Variants in CNTNAP4 observed in about 807,000 individuals in gnomAD.
The protein encoded by CNTNAP4 is contactin-associated protein-like 4.
In CNTNAP4, 98 loss-of-function variants were observed where a neutral mutation model predicts 148.4. That is an observed-to-expected ratio of 0.66 (90% confidence interval 0.56 to 0.78). The LOEUF is 0.78. CNTNAP4 is among the 30% of genes least tolerant of loss of function. The pLI is 0.00. For synonymous variants in CNTNAP4, 730 were observed against 565.1 expected, an observed-to-expected ratio of 1.29 and a Z score of -4.14; for missense variants, 1,935 against 1,565.6, an observed-to-expected ratio of 1.24 and a Z score of -3.98.
chr16:76,385,213 T>C (rs987821543), intron 3 of CNTNAP4, among the ~76,000 whole-genome samples: 1 of 152,230 alleles, frequency 6.6e-6, no homozygotes, highest in Admixed American at 6.5e-5. Flanking sequence ...GCAAGAGCTA[T>C]GTGATAAGTA....
intron 23 of CNTNAP4, among the ~76,000 whole-genome samples, chr16:76,554,407 C>T (rs1032458335): frequency 1.3e-5 from 2 of 152,102 alleles, no homozygotes; most frequent in East Asian, 1.9e-4. Flanking sequence ...CTTCTATCAA[C>T]TAAATATTAC....
chr16:76,366,803 G>A (rs34134770), intron 3 of CNTNAP4, among the ~76,000 whole-genome samples: 67,641 of 151,908 alleles, frequency 0.45, 15,327 homozygotes, highest in Admixed American at 0.53. Context: ...AATAGAATAT[G>A]TACAAGAAAC....
intron 4 of CNTNAP4, among the ~76,000 whole-genome samples, chr16:76,438,732 T>C (rs1178495873): frequency 6.6e-6 from 1 of 151,964 alleles, no homozygotes; most frequent in Admixed American, 6.6e-5. Flanking sequence ...ACCCACACTC[T>C]CCCTTTTCCC....
At position 76,473,387 on chromosome 16, in the gene CNTNAP4, A is replaced by T. The variant is rs370575561; in HGVS notation, c.1656-2552A>T. 1.5e-4 allele frequency among the ~76,000 whole-genome samples: 23 copies of T among 152,266 alleles called. No homozygotes were observed. The South Asian group carries it at 4.3e-3, about 29-fold the overall frequency. ...TTTTCCTGGATTGTTTAATTTCTCT[A>T]CAGTGAACATCTCTTTTTTTATAAT... On this transcript the variant is annotated intron_variant, in intron 10 of 23. Coordinates refer to ENST00000611870, the MANE Select transcript of CNTNAP4 (RefSeq NM_033401.5).
intron 3 of CNTNAP4, among the ~76,000 whole-genome samples, chr16:76,397,877 G>T (rs2078256040): frequency 7.3e-6 from 1 of 137,312 alleles, no homozygotes; most frequent in South Asian, 2.4e-4. Flanking sequence ...GACTGCCTAG[G>T]TTCTCTAACT....
At chr16:76,522,766 C>CTTTTCTTTTCTTTT (rs1568498490) in intron 17 of CNTNAP4, among the ~76,000 whole-genome samples, 24 of 87,252 alleles carry the variant, frequency 2.8e-4, no homozygotes, top group South Asian at 2.2e-3. Context: ...CTTTTCTTTT[C>CTTTTCTTTTCTTTT]TTTTCTTTTC....
chr16:76,392,690 A>G (rs982603174), intron 3 of CNTNAP4, among the ~76,000 whole-genome samples: 1 of 152,202 alleles, frequency 6.6e-6, no homozygotes, highest in Admixed American at 6.5e-5. Context: ...CAAAGAAAAC[A>G]TAATTTTTTC....
At chr16:76,371,678 A>G (rs1216166465) in intron 3 of CNTNAP4, among the ~76,000 whole-genome samples, 1 of 152,232 alleles carries the variant, frequency 6.6e-6, no homozygotes, top group Non-Finnish European at 1.5e-5. Context: ...CTTAGCTGGA[A>G]GATCTTATGG....
chr16:76,432,195 C>T (rs1242293247), intron 4 of CNTNAP4, among the ~76,000 whole-genome samples: 2 of 152,126 alleles, frequency 1.3e-5, no homozygotes, highest in Admixed American at 6.6e-5. Flanking sequence ...GCCAGGCTCC[C>T]CTTGTGCCTA....
Position 76,494,953 on chromosome 16 carries a change from G to T in CNTNAP4, c.2124G>T (p.Thr708=), listed in dbSNP as rs201980646. 8.1e-6 allele frequency: 13 copies of T among 1,613,466 alleles called. 1 individual carries two copies. Among genetic ancestry groups the T allele is most frequent in the Middle Eastern group, 3.3e-4 (2 of 6,056 alleles). The change falls in exon 14 of 24, where the codon ACG becomes ACT. Residue 708 remains threonine (T), a synonymous_variant. Transcript: ENST00000611870. ...GGTGGGTAGGAAGAACCAATGAAAC[G>T]CAAACCTACTGGGGAGGTTCTTCGC... ...LSWWVGRTNE[T]QTYWGGSSPD...
In CNTNAP4 at chr16:76,370,613, G is replaced by T. The variant is rs535358002; in HGVS notation, c.390+15102G>T. ...CGTCACTCAGCCCTCTAATGTTTTGGGTCAGAGCAGGGAAAGGGTGACACG... is the reference window on the plus strand; with the variant it reads ...CGTCACTCAGCCCTCTAATGTTTTGTGTCAGAGCAGGGAAAGGGTGACACG... On this transcript the variant is annotated intron_variant, in intron 3 of 23. Transcript: ENST00000611870. Among the ~76,000 whole-genome samples the T allele has an allele frequency of 1.9e-4, 29 of 152,288 alleles. No individual in the cohort carries two copies. In the South Asian group the frequency reaches 5.6e-3, roughly 29 times the overall value.
At chr16:76,533,130 T>C (rs546412495) in intron 17 of CNTNAP4, among the ~76,000 whole-genome samples, 4 of 152,234 alleles carry the variant, frequency 2.6e-5, no homozygotes, top group Middle Eastern at 6.8e-3. Flanking sequence ...AAGTGGTGTA[T>C]ATATGTAATG....
Position 76,301,288 on chromosome 16 carries a change from C to G in CNTNAP4, c.86-15125C>G, listed in dbSNP as rs922072051. ...AAAGCCATCATCATATTAATAGCTC[C>G]AAGGGTTACTTTCAACTGATGATTT... On this transcript the variant is annotated intron_variant, in intron 1 of 23. Transcript: ENST00000611870. Among the ~76,000 whole-genome samples, 66 of 152,142 alleles carry G rather than the reference C, an allele frequency of 4.3e-4. 1 individual carries two copies. The highest frequency in any genetic ancestry group is 1.5e-3 in the African/African-American group (63 of 41,494).
intron 4 of CNTNAP4, among the ~76,000 whole-genome samples, chr16:76,443,212 T>G (rs887872857): frequency 2.0e-5 from 3 of 152,068 alleles, no homozygotes; most frequent in Admixed American, 1.3e-4. Flanking sequence ...GAAAAATAAT[T>G]CTTATTCTTC....
chr16:76,442,285 T>C (rs1040652810), intron 4 of CNTNAP4, among the ~76,000 whole-genome samples: 1 of 152,144 alleles, frequency 6.6e-6, no homozygotes, highest in Non-Finnish European at 1.5e-5. Context: ...TTAGAGACTT[T>C]AGAAGGAAAA....
rs375520215 is a variant in CNTNAP4 at position 76,393,237 on chromosome 16, C to T, written c.391-34215C>T. ...TGATTTTACTACCCACTGAAAAGCT[C>T]CGGCCTATGTCCTATATAGGAAATG... On this transcript the variant is annotated intron_variant, in intron 3 of 23. Coordinates refer to ENST00000611870, the MANE Select transcript of CNTNAP4 (RefSeq NM_033401.5). 1.1e-4 allele frequency among the ~76,000 whole-genome samples: 16 copies of T among 152,240 alleles called. No homozygotes were observed. In the East Asian group the frequency reaches 2.7e-3, roughly 26 times the overall value.
intron 10 of CNTNAP4, among the ~76,000 whole-genome samples, chr16:76,473,418 A>G (rs914110783): frequency 2.6e-5 from 4 of 152,196 alleles, no homozygotes; most frequent in Admixed American, 1.3e-4. Context: ...ATAATCAGGA[A>G]AAATACATAA....
chr16:76,401,640 T>C (rs1342526653), intron 3 of CNTNAP4, among the ~76,000 whole-genome samples: 1 of 152,204 alleles, frequency 6.6e-6, no homozygotes, highest in Admixed American at 6.6e-5. Context: ...AGGGGAATGT[T>C]TCCAGCTATG....
chr16:76,307,539 T>TATATATATATATATATATATAC (rs558814796), intron 1 of CNTNAP4, among the ~76,000 whole-genome samples: 1 of 119,378 alleles, frequency 8.4e-6, no homozygotes, highest in Non-Finnish European at 1.6e-5. Context: ...TATATATATA[T>TATATATATATATATATATATAC]ACCAAACTCC....
Sources: allele counts gnomAD v4.1 joint callset (sites outside exome capture counted in the v4.1 genomes callset), GRCh38; gene constraint gnomAD v4.1.1; transcripts MANE v1.5; gene names NCBI Gene and HGNC (gene_info 2026-07-23, HGNC 2026-07-21).